The following POU6F2 variants were observed in gnomAD, a reference collection of about 807,000 sequenced individuals.
The protein encoded by POU6F2 is POU domain, class 6, transcription factor 2.
In POU6F2, 31 loss-of-function variants were observed where a neutral mutation model predicts 71.3. The observed-to-expected ratio is 0.43, with a 90% CI of 0.33 to 0.59. The LOEUF is 0.59. Ranked by LOEUF, POU6F2 falls within the 20% of genes least tolerant of loss-of-function variation. The pLI is 0.04. For synonymous variants in POU6F2, 347 were observed against 355.7 expected (o/e 0.98, Z 0.27); for missense variants, 783 against 856.8 (o/e 0.91, Z 1.07).
intron 5 of POU6F2, among the ~76,000 whole-genome samples, chr7:39,349,555 A>G (rs1271371860): frequency 6.6e-6 from 1 of 151,998 alleles, no homozygotes; most frequent in African/African-American, 2.4e-5. Flanking sequence ...TGGCACCCTC[A>G]TTCTCCACCC....
chr7:39,085,895 G>A lies in POU6F2; in HGVS notation c.141G>A (p.Leu47=), dbSNP rs1008800772. 16 of 1,613,480 alleles carry A rather than the reference G, an allele frequency of 9.9e-6. No individual in the cohort carries two copies. The highest frequency in any genetic ancestry group is 1.4e-5 in the Non-Finnish European group (16 of 1,179,754). The change falls in exon 2 of 10, where the codon TTG becomes TTA. Residue 47 remains leucine, a synonymous_variant. Transcript: ENST00000518318. ...PMIAGQVSKP[L]LSVRSEMNAE... is the part of the protein sequence containing the mutation. Reference sequence around the variant, plus strand: ...TAGCTGGACAAGTCAGTAAGCCCTTGCTGTCAGTGCGGAGTGAAATGAATG... The same window carrying A: ...TAGCTGGACAAGTCAGTAAGCCCTTACTGTCAGTGCGGAGTGAAATGAATG...
chr7:39,261,896 C>T (rs62453453), intron 4 of POU6F2, among the ~76,000 whole-genome samples: 17,276 of 152,150 alleles, frequency 0.11, 1,088 homozygotes, highest in Middle Eastern at 0.18. Context: ...GGAAATGAGC[C>T]AGTAAATCTA....
rs1046210578 is a variant in POU6F2, at chr7:39,441,382, A to G, written c.1320+8099A>G. Among the ~76,000 whole-genome samples the G allele has an allele frequency of 3.3e-5, 5 of 149,726 alleles. No individual in the cohort carries two copies. In the East Asian group the frequency reaches 1.0e-3, roughly 30 times the overall value. ...ACTTGGAGTTGAGTACATGGGAGTC[A>G]AGTCATGAGTACATTTGTTGTAGCT... On this transcript the variant is annotated intron_variant, in intron 7 of 9. Transcript: ENST00000518318.
intron 2 of POU6F2, among the ~76,000 whole-genome samples, chr7:39,090,181 C>G (rs1034516001): frequency 6.6e-6 from 1 of 151,822 alleles, no homozygotes; most frequent in African/African-American, 2.4e-5. Flanking sequence ...TTGAAAAAGG[C>G]CTTAAAGTTG....
At chr7:39,428,628 T>A (rs1036088965) in intron 6 of POU6F2, among the ~76,000 whole-genome samples, 4 of 152,204 alleles carry the variant, frequency 2.6e-5, no homozygotes, top group African/African-American at 9.7e-5. Context: ...CAAGGAGTCA[T>A]TGAGGCATTT....
At chr7:39,393,215 G>A (rs1787108968) in intron 5 of POU6F2, among the ~76,000 whole-genome samples, 1 of 152,152 alleles carries the variant, frequency 6.6e-6, no homozygotes, top group Non-Finnish European at 1.5e-5. Flanking sequence ...TTCCCTCTGA[G>A]CATTCTAGTC....
intron 5 of POU6F2, among the ~76,000 whole-genome samples, chr7:39,372,853 C>T (rs568512025): frequency 5.3e-5 from 8 of 152,140 alleles, no homozygotes; most frequent in Admixed American, 1.3e-4. Context: ...GGGCCAGATT[C>T]GGCCCATGAG....
At chr7:39,359,528 T>A (rs2115704162) in intron 5 of POU6F2, among the ~76,000 whole-genome samples, 1 of 152,168 alleles carries the variant, frequency 6.6e-6, no homozygotes, top group East Asian at 1.9e-4. Flanking sequence ...TTTATGGAAA[T>A]AGGAAAATTG....
chr7:39,055,102 G>A (rs1360240457), intron 1 of POU6F2, among the ~76,000 whole-genome samples: 4 of 152,134 alleles, frequency 2.6e-5, no homozygotes, highest in Non-Finnish European at 5.9e-5. Context: ...TGGATTAGAA[G>A]TAGTGGATTG....
chr7:39,102,226 C>T (rs1169670841), intron 2 of POU6F2, among the ~76,000 whole-genome samples: 1 of 152,142 alleles, frequency 6.6e-6, no homozygotes, highest in Non-Finnish European at 1.5e-5. Context: ...CAAAAATTAA[C>T]ACCTATTAAG....
At position 39,451,348 on chromosome 7, in the gene POU6F2, G is replaced by A. The variant is rs553510621; in HGVS notation, c.1321-185G>A. The stretch of plus-strand genomic sequence containing the variant: ...CTAATAAAATGCCTGTCAAGCAAGT[G>A]GCAATATGTGCTCTACAAAAAAAAA... On this transcript the variant is annotated intron_variant, in intron 7 of 9. Coordinates refer to ENST00000518318, the MANE Select transcript of POU6F2 (RefSeq NM_001370959.1). Among the ~76,000 whole-genome samples, 4 of 141,052 alleles carry A rather than the reference G, an allele frequency of 2.8e-5. No individual in the cohort carries two copies. The East Asian group carries it at 9.3e-4, about 33-fold the overall frequency. 92.5% of individuals were successfully genotyped at this position (141,052 alleles called of 152,430 possible).
chr7:39,241,478 G>A (rs62453435), intron 4 of POU6F2, among the ~76,000 whole-genome samples: 35,982 of 152,054 alleles, frequency 0.24, 5,047 homozygotes, highest in African/African-American at 0.4. Flanking sequence ...GGTGTCACTC[G>A]GATAGTGGCA....
At chr7:39,456,373 C>T (rs1297333613) in intron 8 of POU6F2, among the ~76,000 whole-genome samples, 4 of 152,142 alleles carry the variant, frequency 2.6e-5, no homozygotes, top group South Asian at 4.1e-4. Context: ...ATCACAATCA[C>T]CTCTTATTTC....
intron 4 of POU6F2, among the ~76,000 whole-genome samples, chr7:39,336,858 G>A (rs1362604399): frequency 2.6e-5 from 4 of 152,178 alleles, no homozygotes; most frequent in Non-Finnish European, 5.9e-5. Flanking sequence ...AAGTAGGTTA[G>A]GATGTTGCTA....
chr7:39,239,639 T>C (rs2128751168), intron 4 of POU6F2, among the ~76,000 whole-genome samples: 1 of 152,244 alleles, frequency 6.6e-6, no homozygotes, highest in Non-Finnish European at 1.5e-5. Context: ...TCATGGAGTT[T>C]ATGAGGATTA....
At chr7:39,086,547 A>G (rs934764884) in intron 2 of POU6F2, among the ~76,000 whole-genome samples, 7 of 152,208 alleles carry the variant, frequency 4.6e-5, no homozygotes, top group Admixed American at 1.3e-4. Context: ...TTGTGTCATC[A>G]CAATCAGAAT....
At chr7:39,363,249 G>A (rs920846880) in intron 5 of POU6F2, among the ~76,000 whole-genome samples, 1 of 152,100 alleles carries the variant, frequency 6.6e-6, no homozygotes, top group Non-Finnish European at 1.5e-5. Context: ...ATTGGCTTTG[G>A]AGTGTAAGGA....
chr7:39,258,741 C>T (rs1462709347), intron 4 of POU6F2, among the ~76,000 whole-genome samples: 3 of 151,342 alleles, frequency 2.0e-5, no homozygotes, highest in Non-Finnish European at 2.9e-5. Flanking sequence ...GTGGTAGGGG[C>T]ACCGCAGAAT....
intron 2 of POU6F2, among the ~76,000 whole-genome samples, chr7:39,122,082 C>T (rs1792055320): frequency 6.6e-6 from 1 of 152,204 alleles, no homozygotes; most frequent in Non-Finnish European, 1.5e-5. Flanking sequence ...GATGCCATTT[C>T]CATTCTCACA....
Sources: allele counts gnomAD v4.1 joint callset (sites outside exome capture counted in the v4.1 genomes callset), GRCh38; gene constraint gnomAD v4.1.1; transcripts MANE v1.5; gene names NCBI Gene and HGNC (gene_info 2026-07-23, HGNC 2026-07-21).